Variants in FOXO1 observed in about 807,000 individuals in gnomAD.
FOXO1 encodes forkhead box protein O1.
FOXO1 carries 6 observed loss-of-function variants against 44.1 expected under a neutral mutation model. The observed-to-expected ratio is 0.14, with a 90% confidence interval of 0.07 to 0.27. The LOEUF is 0.27. Ranked by LOEUF, FOXO1 falls within the 10% of genes least tolerant of loss-of-function variation. The pLI is 1.00. For synonymous variants in FOXO1, 380 were observed against 362.7 expected (o/e 1.05, Z -0.54); for missense variants, 737 against 888.8 (o/e 0.83, Z 2.17).
chr13:40,637,443 C>CAAAAAAA (rs894457880), intron 1 of FOXO1, among the ~76,000 whole-genome samples: 5 of 52,582 alleles, frequency 9.5e-5, no homozygotes, highest in African/African-American at 1.4e-4. Flanking sequence ...GACTCCATCA[C>CAAAAAAA]AAAAAAAAAA....
intron 1 of FOXO1, among the ~76,000 whole-genome samples, chr13:40,578,598 C>A (rs1333573301): frequency 6.6e-6 from 1 of 152,174 alleles, no homozygotes; most frequent in Non-Finnish European, 1.5e-5. Context: ...GTAGCACCTC[C>A]AAAGTAGCTT....
chr13:40,567,726 T>C lies in FOXO1; in HGVS notation c.631-6866A>G, dbSNP rs147563175. 2.7e-4 allele frequency among the ~76,000 whole-genome samples: 41 copies of C among 152,142 alleles called. No individual in the cohort carries two copies. The East Asian group carries it at 7.3e-3, about 27-fold the overall frequency. On this transcript the variant is annotated intron_variant, in intron 1 of 2. Coordinates refer to ENST00000379561, the MANE Select transcript of FOXO1 (RefSeq NM_002015.4). ...GGCTCACACCTGTAATCCTGGCACT[T>C]TGGGAGGCTGAGGAGGGCAGATCAC...
chr13:40,576,480 T>C (rs897381961), intron 1 of FOXO1, among the ~76,000 whole-genome samples: 6 of 152,188 alleles, frequency 3.9e-5, no homozygotes, highest in Non-Finnish European at 8.8e-5. Flanking sequence ...TGGGTGTCTG[T>C]ATTTTTGCAT....
At chr13:40,568,851 G>T (rs1381248255) in intron 1 of FOXO1, among the ~76,000 whole-genome samples, 1 of 150,634 alleles carries the variant, frequency 6.6e-6, no homozygotes, top group South Asian at 2.1e-4. Flanking sequence ...TACTTCGAAG[G>T]TCATCTGGTC....
intron 1 of FOXO1, chr13:40,619,863 A>G (rs1876549545): frequency 1.3e-6 from 1 of 746,222 alleles, no homozygotes; most frequent in Non-Finnish European, 2.5e-6. Context: ...GGGAGGCACA[A>G]CAGTTTAAAG....
chr13:40,565,191 C>T (rs1323877708), intron 1 of FOXO1, among the ~76,000 whole-genome samples: 1 of 152,150 alleles, frequency 6.6e-6, no homozygotes. Flanking sequence ...ATTTGAGTAC[C>T]AATTCATGTC....
intron 1 of FOXO1, among the ~76,000 whole-genome samples, chr13:40,565,841 A>G (rs1159465945): frequency 6.6e-6 from 1 of 152,226 alleles, no homozygotes. Flanking sequence ...TATGTATGTC[A>G]TAAACATTAG....
At chr13:40,619,387 T>C (rs1190156164) in intron 1 of FOXO1, 19 of 723,990 alleles carry the variant, frequency 2.6e-5, no homozygotes, top group Admixed American at 1.9e-5. Context: ...TCTAGCATAG[T>C]TGAACACCTT....
At chr13:40,612,042 G>A (rs965260751) in intron 1 of FOXO1, among the ~76,000 whole-genome samples, 2 of 152,162 alleles carry the variant, frequency 1.3e-5, no homozygotes, top group South Asian at 2.1e-4. Flanking sequence ...GCACTCCAGC[G>A]TGGGAGACAC....
At chr13:40,651,098 GT>G (rs67417437) in intron 1 of FOXO1, among the ~76,000 whole-genome samples, 59,972 of 148,944 alleles carry the variant, frequency 0.4, 13,059 homozygotes, top group East Asian at 0.72. Flanking sequence ...TTTGTTTTTT[GT>G]TTTTTGTTTT....
At position 40,666,028 on chromosome 13, in the gene FOXO1, G is replaced by A. The variant is rs1878234649; in HGVS notation, c.185C>T (p.Ser62Leu). The change falls in exon 1 of 3, where the codon TCG (serine) becomes TTG (leucine). Residue 62 changes from serine (S) to leucine (L), a missense_variant. Around this residue, in one of 7 missense-constraint regions of FOXO1, gnomAD observed 213 missense variants for 236.4 expected, o/e 0.90. Coordinates refer to ENST00000379561, the MANE Select transcript of FOXO1 (RefSeq NM_002015.4). ...GAAGTCGGCGCTGACAGCGGCAGCC[G>A]AGGCCGAGGGCAGGCCCGCCGCGGC... is the stretch of plus-strand genomic sequence containing the variant. Reference protein sequence around the residue: ...PDAAAGLPSASAAAVSADFMS... With the variant: ...PDAAAGLPSALAAAVSADFMS... 6 of 1,280,448 alleles carry A rather than the reference G, an allele frequency of 4.7e-6. No individual in the cohort carries two copies. The South Asian group carries it at 1.6e-4, about 33-fold the overall frequency. 79.3% of individuals were successfully genotyped at this position (1,280,448 alleles called of 1,614,324 possible).
rs1443914494 is a variant in FOXO1 at position 40,558,714 on chromosome 13, T to C, written c.*335A>G. 5.0e-6 allele frequency: 2 copies of C among 397,938 alleles called. No homozygotes were observed. Among genetic ancestry groups the C allele is most frequent in the Non-Finnish European group, 4.4e-6 (1 of 225,766 alleles). 24.7% of individuals were successfully genotyped at this position (397,938 alleles called of 1,614,324 possible). ...AAATACAATCTGTATCTACTGCTTA[T>C]ATACAAAACTTGAAAGCACACCAGG... On this transcript the variant is annotated 3_prime_UTR_variant, in exon 3 of 3. Transcript: ENST00000379561.
At chr13:40,592,088 T>G (rs1875396038) in intron 1 of FOXO1, among the ~76,000 whole-genome samples, 1 of 152,340 alleles carries the variant, frequency 6.6e-6, no homozygotes, top group African/African-American at 2.4e-5. Context: ...ATCACTACAC[T>G]TGAATTCTCA....
intron 1 of FOXO1, among the ~76,000 whole-genome samples, chr13:40,609,692 A>C (rs568923430): frequency 1.5e-3 from 232 of 152,176 alleles, no homozygotes; most frequent in Non-Finnish European, 2.2e-3. Flanking sequence ...CTCACGCCTA[A>C]AGAAATTCTT....
intron 1 of FOXO1, among the ~76,000 whole-genome samples, chr13:40,631,999 T>C (rs1345541859): frequency 2.6e-5 from 4 of 152,084 alleles, no homozygotes; most frequent in Non-Finnish European, 5.9e-5. Flanking sequence ...CAGCAGGGCA[T>C]GGTGGCTCAT....
chr13:40,624,779 C>T (rs75923054), intron 1 of FOXO1, among the ~76,000 whole-genome samples: 3,472 of 152,250 alleles, frequency 0.023, 144 homozygotes, highest in African/African-American at 0.08. Context: ...CATGGAATTA[C>T]AATTTTCAAG....
At chr13:40,582,289 C>A (rs1270156161) in intron 1 of FOXO1, among the ~76,000 whole-genome samples, 2 of 152,174 alleles carry the variant, frequency 1.3e-5, no homozygotes, top group African/African-American at 4.8e-5. Flanking sequence ...ATCATCTGAG[C>A]CTTCAACGAG....
intron 1 of FOXO1, among the ~76,000 whole-genome samples, chr13:40,605,007 G>C (rs1191954792): frequency 6.6e-6 from 1 of 151,808 alleles, no homozygotes; most frequent in Non-Finnish European, 1.5e-5. Context: ...GTACATATTT[G>C]ATTTACTGAT....
chr13:40,592,526 C>T (rs959418191), intron 1 of FOXO1, among the ~76,000 whole-genome samples: 8 of 152,188 alleles, frequency 5.3e-5, no homozygotes, highest in Non-Finnish European at 1.0e-4. Flanking sequence ...TACTACATTC[C>T]TCCCAAACAT....
Sources: gnomAD v4.1 joint callset for allele counts (sites outside exome capture counted in the v4.1 genomes callset) on GRCh38, gnomAD v4.1.1 for gene constraint, gnomAD v4.1.1 regional missense constraint, MANE v1.5 for transcripts, NCBI Gene and HGNC (gene_info 2026-07-23, HGNC 2026-07-21) for gene names.